The following CDH4 variants were observed in gnomAD, a reference collection of about 807,000 sequenced individuals.
CDH4 encodes the protein cadherin 4, also known as cadherin-4.
In CDH4, 33 loss-of-function variants were observed where a neutral mutation model predicts 86.0. The observed-to-expected ratio is 0.38, with a 90% CI of 0.29 to 0.51. The LOEUF (loss-of-function observed/expected upper bound fraction) is 0.51, where lower values mean the gene tolerates loss of function less well. Among genes scored for constraint, CDH4 ranks in the 20% least tolerant of loss-of-function variants. The pLI, the probability that CDH4 is intolerant of heterozygous loss-of-function variation, is 0.86. For missense variants in CDH4, 1,114 were observed against 1,307.4 expected (o/e 0.85, Z 2.28); for synonymous variants, 555 against 549.4 (o/e 1.01, Z -0.14).
intron 2 of CDH4, among the ~76,000 whole-genome samples, chr20:61,407,427 C>T (rs1294296832): frequency 6.6e-6 from 1 of 152,224 alleles, no homozygotes; most frequent in Non-Finnish European, 1.5e-5. Context: ...CTGACTCGCT[C>T]TCCACCGATT....
intron 2 of CDH4, among the ~76,000 whole-genome samples, chr20:61,379,719 G>T (rs754797703): frequency 6.6e-6 from 1 of 152,152 alleles, no homozygotes; most frequent in Non-Finnish European, 1.5e-5. Flanking sequence ...TAGAAAAATG[G>T]CCAGGACATT....
intron 4 of CDH4, among the ~76,000 whole-genome samples, chr20:61,817,499 TTTTTTTTATTTTTA>T (rs1435947693): frequency 5.9e-5 from 9 of 152,262 alleles, no homozygotes; most frequent in Admixed American, 5.9e-4. Flanking sequence ...CTTCTCGCTT[TTTTTTTTATTTTTA>T]TTTTTTTAAG....
chr20:61,296,906 T>G (rs2084358227), intron 2 of CDH4, among the ~76,000 whole-genome samples: 1 of 152,150 alleles, frequency 6.6e-6, no homozygotes, highest in Non-Finnish European at 1.5e-5. Context: ...GATGGATGCC[T>G]TTAAGTCTCT....
At chr20:61,559,833 C>T (rs1003123380) in intron 2 of CDH4, among the ~76,000 whole-genome samples, 3 of 152,148 alleles carry the variant, frequency 2.0e-5, no homozygotes, top group African/African-American at 4.8e-5. Flanking sequence ...TCTCCTTTCT[C>T]CCTGCATGTC....
chr20:61,525,631 C>T lies in CDH4; in HGVS notation c.170-217932C>T, dbSNP rs188309130. The stretch of plus-strand genomic sequence containing the variant: ...ATTGATCAGGTAGCTGCCGTGTGCT[C>T]GGCTCTGTGCTGCGGCTGTACCCGA... On this transcript the variant is annotated intron_variant, in intron 2 of 15. Transcript: ENST00000614565. 7.9e-5 allele frequency among the ~76,000 whole-genome samples: 12 copies of T among 152,280 alleles called. No homozygotes were observed. The East Asian group carries it at 1.7e-3, about 22-fold the overall frequency.
chr20:61,392,708 C>T lies in CDH4; in HGVS notation c.169+137771C>T, dbSNP rs1002663584. ...TCTTCTGATTCAAAAGACATTTTCC[C>T]GTGCTGTTAAATTTGAACCTTGGAC... is the stretch of plus-strand genomic sequence containing the variant. On this transcript the variant is annotated intron_variant, in intron 2 of 15. Coordinates refer to ENST00000614565, the MANE Select transcript of CDH4 (RefSeq NM_001794.5). This position sits in a 1 kb window ranked among gnomAD's most constrained non-coding sequence, Gnocchi z 5.7. Among the ~76,000 whole-genome samples, 7 of 152,174 alleles carry T rather than the reference C, an allele frequency of 4.6e-5. No homozygotes were observed. Among genetic ancestry groups the T allele is most frequent in the African/African-American group, 7.2e-5 (3 of 41,442 alleles).
intron 2 of CDH4, among the ~76,000 whole-genome samples, chr20:61,563,744 C>G (rs998338274): frequency 6.6e-6 from 1 of 152,226 alleles, no homozygotes; most frequent in Non-Finnish European, 1.5e-5. Context: ...GGACAGCTCA[C>G]CTTTGCTGAG....
rs1293479019 is a variant in CDH4, at chr20:61,518,030, G to A, written c.170-225533G>A. Among the ~76,000 whole-genome samples the A allele has an allele frequency of 6.6e-6, 1 of 152,138 alleles. No individual in the cohort carries two copies. Among genetic ancestry groups the A allele is most frequent in the South Asian group, 2.1e-4 (1 of 4,814 alleles). ...CGTGCGGGGAGGATGCCTCAGCCCAGGTTACCTGATCCCTTTTCAGGCGCT... is the reference window on the plus strand; with the variant it reads ...CGTGCGGGGAGGATGCCTCAGCCCAAGTTACCTGATCCCTTTTCAGGCGCT... On this transcript the variant is annotated intron_variant, in intron 2 of 15. Coordinates refer to ENST00000614565, the MANE Select transcript of CDH4 (RefSeq NM_001794.5). The surrounding 1 kb of genome is among the most constrained non-coding windows in gnomAD (Gnocchi z 6.3).
chr20:61,655,986 T>C (rs1181813829), intron 2 of CDH4, among the ~76,000 whole-genome samples: 2 of 152,096 alleles, frequency 1.3e-5, no homozygotes, highest in Non-Finnish European at 2.9e-5. Context: ...GCTTCAGATA[T>C]CGTGAACAGT....
chr20:61,467,042 G>A (rs747654460), intron 2 of CDH4, among the ~76,000 whole-genome samples: 11 of 152,192 alleles, frequency 7.2e-5, no homozygotes, highest in Non-Finnish European at 1.3e-4. Flanking sequence ...TTTTATGTGT[G>A]TTCACTGTGA....
rs917971911 is a variant in CDH4, at chr20:61,626,435, C to T, written c.170-117128C>T. Among the ~76,000 whole-genome samples the T allele has an allele frequency of 2.0e-5, 3 of 147,942 alleles. No individual in the cohort carries two copies. In the South Asian group the frequency reaches 6.3e-4, roughly 31 times the overall value. On this transcript the variant is annotated intron_variant, in intron 2 of 15. Transcript: ENST00000614565. ...AGCCAAGAATGTGTGTGTGTGTGCA[C>T]GTGACTTGCAGAAGCAGAAGGAGAA... is the stretch of plus-strand genomic sequence containing the variant.
intron 7 of CDH4, among the ~76,000 whole-genome samples, chr20:61,874,971 C>T (rs533336423): frequency 2.6e-5 from 4 of 152,310 alleles, no homozygotes; most frequent in Non-Finnish European, 5.9e-5. Context: ...CTTCTGAGTG[C>T]GTCACGGCCC....
chr20:61,508,703 G>A (rs974548135), intron 2 of CDH4, among the ~76,000 whole-genome samples: 1 of 152,244 alleles, frequency 6.6e-6, no homozygotes, highest in African/African-American at 2.4e-5. Flanking sequence ...CCCAGGCGCT[G>A]CCCCACCTGG....
intron 4 of CDH4, among the ~76,000 whole-genome samples, chr20:61,813,213 G>T (rs940763784): frequency 3.3e-5 from 5 of 152,198 alleles, no homozygotes; most frequent in Non-Finnish European, 7.3e-5. Flanking sequence ...AGTTCAAATG[G>T]TTCACAAGCT....
rs34228514 is a variant in CDH4 at position 61,764,014 on chromosome 20, G to A, written c.397-8989G>A. ...CTCTCGCTTGCGAGTGATGAGGGGA[G>A]GGAAATGATCCGAGTTTTGCTGATA... On this transcript the variant is annotated intron_variant, in intron 3 of 15. Coordinates refer to ENST00000614565, the MANE Select transcript of CDH4 (RefSeq NM_001794.5). Among the ~76,000 whole-genome samples, 624 of 152,330 alleles carry A rather than the reference G, an allele frequency of 4.1e-3. 4 individuals are homozygous for A. The highest frequency in any genetic ancestry group is 7.1e-3 in the Non-Finnish European group (484 of 68,030).
intron 2 of CDH4, among the ~76,000 whole-genome samples, chr20:61,258,471 C>T (rs2084113115): frequency 6.6e-6 from 1 of 152,202 alleles, no homozygotes; most frequent in Non-Finnish European, 1.5e-5. Context: ...CCACCCTCTG[C>T]CTCCTTACTG....
chr20:61,481,900 T>C (rs1275906453), intron 2 of CDH4, among the ~76,000 whole-genome samples: 3 of 152,242 alleles, frequency 2.0e-5, no homozygotes, highest in Non-Finnish European at 4.4e-5. Context: ...GCATATGTTT[T>C]TCAGTTCCAT....
At chr20:61,800,508 G>T (rs559762700) in intron 4 of CDH4, among the ~76,000 whole-genome samples, 2 of 152,134 alleles carry the variant, frequency 1.3e-5, no homozygotes, top group African/African-American at 4.8e-5. Flanking sequence ...TCTCCTCATC[G>T]CCCCCCACAG....
intron 2 of CDH4, among the ~76,000 whole-genome samples, chr20:61,388,006 G>T (rs184981810): frequency 3.3e-5 from 5 of 152,198 alleles, no homozygotes; most frequent in African/African-American, 1.2e-4. Context: ...TGTAATAAAT[G>T]GGTGTCTATA....
Sources: allele counts gnomAD v4.1 joint callset (sites outside exome capture counted in the v4.1 genomes callset), GRCh38; gene constraint gnomAD v4.1.1; non-coding constraint Gnocchi (gnomAD v3.1); transcripts MANE v1.5; gene names NCBI Gene and HGNC (gene_info 2026-07-23, HGNC 2026-07-21).